The following AIM2 variants were observed in gnomAD, a reference collection of about 807,000 sequenced individuals.
The protein encoded by AIM2 is interferon-inducible protein AIM2.
Under a neutral mutation model 27.7 loss-of-function variants are expected in AIM2, and 30 were observed. The ratio of observed to expected loss-of-function variants is 1.08; its 90% confidence interval spans 0.81 to 1.47. The LOEUF is 1.47. Among genes scored for constraint, AIM2 ranks in the 40% most tolerant of loss-of-function variants. The probability of loss-of-function intolerance (pLI) is 0.00; values close to 1 mark genes in which losing one functional copy is unlikely to be tolerated. For synonymous variants in AIM2, 141 were observed against 145.3 expected, an observed-to-expected ratio of 0.97 and a Z score of 0.21; for missense variants, 358 against 411.3, an observed-to-expected ratio of 0.87 and a Z score of 1.12.
intron 1 of AIM2, among the ~76,000 whole-genome samples, chr1:159,122,720 G>A (rs1647571972): frequency 6.6e-6 from 1 of 152,184 alleles, no homozygotes; most frequent in Non-Finnish European, 1.5e-5. Context: ...AAATTGTGAA[G>A]TCACCTGCAG....
chr1:159,081,858 C>G (rs569859235), intron 1 of AIM2: 1 of 152,776 alleles, frequency 6.5e-6, no homozygotes, highest in South Asian at 2.0e-4. Flanking sequence ...GAAGTAAGCT[C>G]CAGCTCCCTG....
At chr1:159,100,630 C>T (rs1471620767) in intron 1 of AIM2, among the ~76,000 whole-genome samples, 1 of 152,152 alleles carries the variant, frequency 6.6e-6, no homozygotes, top group Non-Finnish European at 1.5e-5. Context: ...CTATAATGTT[C>T]CTTTACAACA....
chr1:159,108,006 C>T (rs928143288), intron 1 of AIM2, among the ~76,000 whole-genome samples: 1 of 152,136 alleles, frequency 6.6e-6, no homozygotes, highest in Admixed American at 6.5e-5. Flanking sequence ...TCTATTGACA[C>T]TATTCCACAT....
intron 1 of AIM2, among the ~76,000 whole-genome samples, chr1:159,092,416 C>T (rs1005729062): frequency 6.6e-6 from 1 of 152,150 alleles, no homozygotes; most frequent in Admixed American, 6.6e-5. Flanking sequence ...TCCGCAATTA[C>T]ACAGATTAGA....
At chr1:159,110,670 C>G (rs1657548929) in intron 1 of AIM2, among the ~76,000 whole-genome samples, 1 of 152,102 alleles carries the variant, frequency 6.6e-6, no homozygotes, top group African/African-American at 2.4e-5. Flanking sequence ...ACTGTGCTAC[C>G]CAAAATCTGT....
chr1:159,068,968 A>G (rs982805337), intron 2 of AIM2, among the ~76,000 whole-genome samples: 2 of 152,116 alleles, frequency 1.3e-5, no homozygotes, highest in Non-Finnish European at 2.9e-5. Flanking sequence ...GGGAGACCCT[A>G]TCTTTACAAA....
At chr1:159,125,493 G>A (rs904601885) in intron 1 of AIM2, among the ~76,000 whole-genome samples, 3 of 152,190 alleles carry the variant, frequency 2.0e-5, no homozygotes, top group East Asian at 1.9e-4. Context: ...TAAGTCACTT[G>A]TTAAGCGCCA....
intron 1 of AIM2, among the ~76,000 whole-genome samples, chr1:159,146,017 A>T (rs61400225): frequency 0.094 from 14,216 of 151,980 alleles, 830 homozygotes; most frequent in South Asian, 0.31. Flanking sequence ...GAGGCAGGAG[A>T]ATCACTTGAA....
At chr1:159,070,741 G>A (rs1203909525) in intron 2 of AIM2, among the ~76,000 whole-genome samples, 4 of 152,182 alleles carry the variant, frequency 2.6e-5, no homozygotes, top group East Asian at 3.8e-4. Flanking sequence ...TGTCTGACAG[G>A]GATATTGTAG....
At chr1:159,087,138 TCTTA>T (rs1409989667) in intron 1 of AIM2, among the ~76,000 whole-genome samples, 3 of 152,180 alleles carry the variant, frequency 2.0e-5, no homozygotes, top group African/African-American at 7.2e-5. Context: ...ACTTTCTCAT[TCTTA>T]CTTCCCTTTT....
chr1:159,131,177 C>G (rs1405907583), intron 1 of AIM2, among the ~76,000 whole-genome samples: 1 of 152,182 alleles, frequency 6.6e-6, no homozygotes, highest in East Asian at 1.9e-4. Context: ...CCATGCCTGT[C>G]TTATTCCCAA....
At chr1:159,143,887 A>C (rs1648158652), upstream of AIM2, among the ~76,000 whole-genome samples, 1 of 152,218 alleles carries the variant, frequency 6.6e-6, no homozygotes, top group South Asian at 2.1e-4. Context: ...CAACGTAGGA[A>C]TGACCCTGAA....
intron 1 of AIM2, among the ~76,000 whole-genome samples, chr1:159,091,072 A>G (rs1557901370): frequency 6.6e-6 from 1 of 152,190 alleles, no homozygotes; most frequent in Non-Finnish European, 1.5e-5. Flanking sequence ...AAGATGAATC[A>G]CCATTAAATG....
chr1:159,067,161 A>G (rs1175763049), intron 3 of AIM2, among the ~76,000 whole-genome samples: 1 of 152,184 alleles, frequency 6.6e-6, no homozygotes, highest in Admixed American at 6.5e-5. Context: ...CAGATAAACA[A>G]TCTGTTTCTT....
intron 1 of AIM2, among the ~76,000 whole-genome samples, chr1:159,083,021 T>C (rs1656818397): frequency 6.6e-6 from 1 of 152,198 alleles, no homozygotes; most frequent in Non-Finnish European, 1.5e-5. Flanking sequence ...TTTACTGTTT[T>C]GGATCTTTTA....
intron 1 of AIM2, among the ~76,000 whole-genome samples, chr1:159,092,214 A>C (rs891745913): frequency 1.3e-5 from 2 of 152,212 alleles, no homozygotes; most frequent in African/African-American, 4.8e-5. Context: ...GAACATGCAA[A>C]ACTAAGAGAC....
chr1:159,089,453 G>A (rs1656998905), intron 1 of AIM2, among the ~76,000 whole-genome samples: 1 of 152,186 alleles, frequency 6.6e-6, no homozygotes, highest in African/African-American at 2.4e-5. Flanking sequence ...GGTAGATCAG[G>A]ATAGAAGCAC....
At chr1:159,057,263 T>A in the AIM2 span, among the ~76,000 whole-genome samples, 3 of 139,754 alleles carry the variant, frequency 2.1e-5, no homozygotes, top group East Asian at 6.6e-4. Context: ...AGACCTAATT[T>A]ATGAATTGAG....
chr1:159,113,978 C>T lies in AIM2; in HGVS notation c.-16+26453G>A, dbSNP rs147979575. On this transcript the variant is annotated intron_variant, in intron 1 of 2. Coordinates refer to the AIM2 transcript ENST00000368129. ...TGTTACAGGATTTTAAGGCTCCTCC[C>T]ATTAAAATCCTTAGCTTTCTGTTTC... Among the ~76,000 whole-genome samples the T allele has an allele frequency of 2.6e-3, 391 of 152,308 alleles. 4 individuals are homozygous for T. Among genetic ancestry groups the T allele is most frequent in the African/African-American group, 8.9e-3 (368 of 41,548 alleles).
Sources: allele counts gnomAD v4.1 joint callset (sites outside exome capture counted in the v4.1 genomes callset), GRCh38; gene constraint gnomAD v4.1.1; transcripts MANE v1.5; gene names NCBI Gene and HGNC (gene_info 2026-07-23, HGNC 2026-07-21).